SHB: variants seen among roughly 807,000 people sequenced by gnomAD.
The protein encoded by SHB is SH2 domain containing adaptor protein B.
SHB carries 20 observed loss-of-function variants against 52.3 expected under a neutral mutation model. The ratio of observed to expected loss-of-function variants is 0.38; its 90% CI spans 0.27 to 0.56. SHB has a LOEUF of 0.56. SHB is among the 20% of genes least tolerant of loss of function. The pLI is 0.71. For synonymous variants in SHB, 397 were observed against 316.5 expected (o/e 1.25, Z -2.70); for missense variants, 825 against 723.3 (o/e 1.14, Z -1.61).
At chr9:37,982,979 C>CCCCG (rs1554702659) in intron 2 of SHB, among the ~76,000 whole-genome samples, 1 of 151,400 alleles carries the variant, frequency 6.6e-6, no homozygotes, top group Non-Finnish European at 1.5e-5. Context: ...TGGTGCCCCC[C>CCCCG]CCTCCATCTT....
chr9:37,965,576 C>CTT (rs71990074), intron 3 of SHB, among the ~76,000 whole-genome samples: 22,367 of 141,338 alleles, frequency 0.16, 2,076 homozygotes, highest in East Asian at 0.36. Context: ...ACTCAAATAT[C>CTT]TTTTTTTTTT....
chr9:37,935,352 A>G (rs929036321), intron 5 of SHB, among the ~76,000 whole-genome samples: 1 of 152,174 alleles, frequency 6.6e-6, no homozygotes, highest in African/African-American at 2.4e-5. Context: ...TCTCCCTGCG[A>G]GGTTGTGTTC....
At chr9:38,027,914 A>G (rs535779667) in intron 1 of SHB, among the ~76,000 whole-genome samples, 1 of 151,572 alleles carries the variant, frequency 6.6e-6, no homozygotes, top group Non-Finnish European at 1.5e-5. Context: ...AGAGGGATGG[A>G]GCTGAGCCAA....
chr9:37,929,863 G>A (rs918607654), intron 5 of SHB, among the ~76,000 whole-genome samples: 1 of 152,242 alleles, frequency 6.6e-6, no homozygotes, highest in Non-Finnish European at 1.5e-5. Context: ...ACTTTGGAAG[G>A]CCAATGCGGG....
Position 38,068,695 on chromosome 9 carries a change from G to C in SHB, c.-50C>G. The C allele has an allele frequency of 1.6e-6, 2 of 1,235,802 alleles. No individual in the cohort carries two copies. Among genetic ancestry groups the C allele is most frequent in the African/African-American group, 3.2e-5 (2 of 63,042 alleles). The allele number at this position is 1,235,802 out of a possible 1,614,324, so 76.6% of individuals were successfully genotyped here. On this transcript the variant is annotated 5_prime_UTR_variant, in exon 1 of 6. Coordinates refer to ENST00000377707, the MANE Select transcript of SHB (RefSeq NM_003028.3). ...GCGCGGGAGCCCGGTCCGCCGCCGC[G>C]GCCATTCGGGGGGCAGCGCTGCGGC...
At chr9:38,003,507 C>T (rs547003852) in intron 2 of SHB, among the ~76,000 whole-genome samples, 25 of 152,284 alleles carry the variant, frequency 1.6e-4, no homozygotes, top group African/African-American at 6.0e-4. Context: ...TCATAAGCCA[C>T]ATCCCAGTGG....
intron 3 of SHB, among the ~76,000 whole-genome samples, chr9:37,973,181 G>C (rs183375361): frequency 6.6e-6 from 1 of 152,160 alleles, no homozygotes; most frequent in Non-Finnish European, 1.5e-5. Flanking sequence ...CTGGACATTC[G>C]GGTTGCTCTC....
intron 2 of SHB, among the ~76,000 whole-genome samples, chr9:37,989,802 TA>T (rs962033715): frequency 1.3e-5 from 2 of 152,154 alleles, no homozygotes; most frequent in Admixed American, 6.5e-5. Flanking sequence ...GCTTTTGTTT[TA>T]AAGAGGAGTG....
Position 37,989,411 on chromosome 9 carries a change from C to G in SHB, c.839-14574G>C, listed in dbSNP as rs192227880. Among the ~76,000 whole-genome samples the G allele has an allele frequency of 4.6e-5, 7 of 152,278 alleles. No individual in the cohort carries two copies. The South Asian group carries it at 6.2e-4, about 14-fold the overall frequency. On this transcript the variant is annotated intron_variant, in intron 2 of 5. Transcript: ENST00000377707. ...GGAGACTTGACAGTAGCAAAGCCACCATGAGCCCAAGGATCTTGGTGGGAC... is the reference window on the plus strand; with the variant it reads ...GGAGACTTGACAGTAGCAAAGCCACGATGAGCCCAAGGATCTTGGTGGGAC...
intron 3 of SHB, among the ~76,000 whole-genome samples, chr9:37,972,845 G>A (rs926610284): frequency 1.3e-5 from 2 of 152,170 alleles, no homozygotes; most frequent in Non-Finnish European, 2.9e-5. Flanking sequence ...CTCACTGTTC[G>A]GGGTTAGAAA....
intron 5 of SHB, among the ~76,000 whole-genome samples, chr9:37,927,276 C>A (rs1832261462): frequency 1.3e-5 from 2 of 152,244 alleles, no homozygotes; most frequent in Non-Finnish European, 2.9e-5. Flanking sequence ...TGGCCAACAC[C>A]TGCATCCTGC....
In SHB at chr9:37,948,681, C is replaced by G; in HGVS notation, c.1300G>C (p.Val434Leu). Reference protein sequence around the residue: ...LRLCKECSYLVRNSQTSKHDY... With the variant: ...LRLCKECSYLLRNSQTSKHDY... ...TGCTTGCTGGTCTGGCTGTTCCGGA[C>G]AAGGTAGCTACACTCCTTGCAGAGT... is the stretch of plus-strand genomic sequence containing the variant. The change falls in exon 5 of 6, where the codon GTC becomes CTC. Residue 434 changes from valine to leucine, a missense_variant. Transcript: ENST00000377707. 1 of 1,613,882 alleles carries G rather than the reference C, an allele frequency of 6.2e-7. No homozygotes were observed. Among genetic ancestry groups the G allele is most frequent in the Non-Finnish European group, 8.5e-7 (1 of 1,180,006 alleles).
At position 38,067,924 on chromosome 9, in the gene SHB, CT is replaced by C; in HGVS notation, c.717+4del. 1 of 1,513,916 alleles carries C rather than the reference CT, an allele frequency of 6.6e-7. No homozygotes were observed. Among genetic ancestry groups the C allele is most frequent in the Admixed American group, 2.1e-5 (1 of 47,886 alleles). The allele number at this position is 1,513,916 out of a possible 1,614,324, so 93.8% of individuals were successfully genotyped here. On this transcript the variant is annotated splice_donor_region_variant and intron_variant, in intron 1 of 5. Transcript: ENST00000377707. ...ACCTCGGGAAGAGGCCAAGGGGCAC[CT>C]TACCTTGTCCTTCTTGCCGGCCCCG...
At chr9:37,964,815 A>G (rs912102150) in intron 3 of SHB, among the ~76,000 whole-genome samples, 4 of 152,148 alleles carry the variant, frequency 2.6e-5, no homozygotes, top group South Asian at 2.1e-4. Context: ...GTACAGATGA[A>G]GAAACAGAGA....
intron 1 of SHB, among the ~76,000 whole-genome samples, chr9:38,017,738 G>A (rs1821233246): frequency 6.6e-6 from 1 of 152,246 alleles, no homozygotes; most frequent in African/African-American, 2.4e-5. Flanking sequence ...CCCAGTAGGG[G>A]TGGCTTCCAG....
At chr9:37,970,641 C>T (rs964787566) in intron 3 of SHB, among the ~76,000 whole-genome samples, 3 of 152,296 alleles carry the variant, frequency 2.0e-5, no homozygotes, top group South Asian at 2.1e-4. Context: ...CACGCTGAGG[C>T]TCTGATGGAA....
intron 3 of SHB, among the ~76,000 whole-genome samples, chr9:37,966,666 G>C (rs1486647622): frequency 1.3e-5 from 2 of 152,244 alleles, no homozygotes; most frequent in Non-Finnish European, 2.9e-5. Context: ...CTATACAGGG[G>C]ACAGGAAGCA....
At chr9:37,974,965 C>T in intron 2 of SHB, 128 bp from the exon 3 acceptor site, 6 of 808,464 alleles carry the variant, frequency 7.4e-6, no homozygotes, top group Non-Finnish European at 1.2e-5. Context: ...AGACAGACCC[C>T]TGTCTGGGTT....
intron 1 of SHB, among the ~76,000 whole-genome samples, chr9:38,058,792 C>A (rs561804881): frequency 4.0e-4 from 61 of 152,314 alleles, no homozygotes; most frequent in African/African-American, 1.4e-3. Flanking sequence ...CTGCCTCAGG[C>A]TTCTGCACTG....
Sources: allele counts gnomAD v4.1 joint callset (sites outside exome capture counted in the v4.1 genomes callset), GRCh38; gene constraint gnomAD v4.1.1; transcripts MANE v1.5; gene names NCBI Gene and HGNC (gene_info 2026-07-23, HGNC 2026-07-21).